The following ABR variants were observed in gnomAD, a reference collection of about 807,000 sequenced individuals.
ABR encodes active breakpoint cluster region-related protein.
In ABR, 35 loss-of-function variants were observed where a neutral mutation model predicts 107.2. The observed-to-expected ratio is 0.33, with a 90% CI of 0.25 to 0.43. ABR has a LOEUF of 0.43. Among genes scored for constraint, ABR ranks in the 20% least tolerant of loss-of-function variants. The pLI is 1.00. For missense variants in ABR, 815 were observed against 1,115.2 expected (o/e 0.73, Z 3.83); for synonymous variants, 498 against 462.0 (o/e 1.08, Z -1.00).
intron 1 of ABR, among the ~76,000 whole-genome samples, chr17:1,149,607 G>T (rs2040713312): frequency 6.6e-6 from 1 of 150,546 alleles, no homozygotes; most frequent in Non-Finnish European, 1.5e-5. Flanking sequence ...TAGTAGAGAT[G>T]GGGTTTCACC....
At chr17:1,013,084 T>A (rs535037999) in intron 17 of ABR, 21 bp downstream of exon 17, 1 of 1,613,488 alleles carries the variant, frequency 6.2e-7, no homozygotes, top group Non-Finnish European at 8.5e-7. Flanking sequence ...ACGCCACTGA[T>A]CATTCCCATC....
At chr17:1,110,145 A>C (rs1317229330) in intron 2 of ABR, among the ~76,000 whole-genome samples, 2 of 150,192 alleles carry the variant, frequency 1.3e-5, no homozygotes, top group African/African-American at 4.9e-5. Flanking sequence ...GGCCCTGCCC[A>C]CTCCCAGCCA....
upstream of ABR, among the ~76,000 whole-genome samples, chr17:1,190,731 G>A (rs545651830): frequency 5.9e-5 from 9 of 152,260 alleles, no homozygotes; most frequent in East Asian, 1.9e-4. Context: ...GTGGGTGCCC[G>A]TCCCGTCTGC....
At chr17:1,097,574 G>A in intron 3 of ABR, among the ~76,000 whole-genome samples, 1 of 126,002 alleles carries the variant, frequency 7.9e-6, no homozygotes, top group African/African-American at 3.0e-5. Context: ...CTGGGCAACA[G>A]AGCAAGACTC....
intron 4 of ABR, among the ~76,000 whole-genome samples, chr17:1,088,178 G>A (rs530060373): frequency 4.6e-5 from 7 of 152,204 alleles, no homozygotes; most frequent in South Asian, 4.1e-4. Context: ...GCAGATTCAC[G>A]GCCAGGCCTG....
intron 1 of ABR, among the ~76,000 whole-genome samples, chr17:1,161,808 A>G (rs6598851): frequency 0.99 from 150,890 of 152,230 alleles, 74,799 homozygotes; most frequent in Middle Eastern, 1. Flanking sequence ...ACCCGCCTCG[A>G]CCTCCCACAG....
intron 2 of ABR, among the ~76,000 whole-genome samples, chr17:1,117,379 C>T (rs1211835715): frequency 1.9e-4 from 10 of 53,172 alleles, no homozygotes; most frequent in Admixed American, 3.9e-4. Flanking sequence ...GCCTGAGTTC[C>T]TCCCAGCGTT....
chr17:1,205,351 A>G (rs554040809), intron 1 of ABR, among the ~76,000 whole-genome samples: 2 of 152,322 alleles, frequency 1.3e-5, no homozygotes, highest in South Asian at 4.1e-4. Context: ...TGCACAAATG[A>G]GATACAAATA....
chr17:1,139,413 G>A (rs1567815862), intron 1 of ABR, among the ~76,000 whole-genome samples: 2 of 151,958 alleles, frequency 1.3e-5, no homozygotes, highest in African/African-American at 2.4e-5. Flanking sequence ...CATCATGCCC[G>A]GCTAATTTTT....
rs897422312 is a variant in ABR at position 1,179,846 on chromosome 17, G to C, written c.-119C>G. ...GAGCGCGGAGGGGCGAGGAGGCCGG[G>C]AACCAGGTCCCCGGGAGGAGCGCGG... On this transcript the variant is annotated 5_prime_UTR_variant, in exon 1 of 23. Coordinates refer to ENST00000302538, the MANE Select transcript of ABR (RefSeq NM_021962.5). The surrounding 1 kb of genome is among the most constrained non-coding windows in gnomAD (Gnocchi z 4.9). 10 of 1,070,406 alleles carry C rather than the reference G, an allele frequency of 9.3e-6. No individual in the cohort carries two copies. The African/African-American group carries it at 1.7e-4, about 18-fold the overall frequency. The allele number at this position is 1,070,406 out of a possible 1,614,324, so 66.3% of individuals were successfully genotyped here.
chr17:1,153,714 CACACCTACGGGAGGGCTGGGGGTCCAG>C (rs2151541545), intron 1 of ABR: 2 of 133,174 alleles, frequency 1.5e-5, no homozygotes, highest in African/African-American at 6.7e-5. Flanking sequence ...GGGGTCCAGG[CACACCTACGGGAGGGCTGGGGGTCCAG>C]GCACACCTGC....
intron 13 of ABR, 113 bp from the exon 14 acceptor site, chr17:1,056,222 A>C: frequency 1.1e-6 from 1 of 906,024 alleles, no homozygotes; most frequent in Middle Eastern, 2.7e-4. Flanking sequence ...TCTTGGTCCA[A>C]CATCACCACC....
At chr17:1,082,966 A>T (rs2036345099) in intron 5 of ABR, among the ~76,000 whole-genome samples, 1 of 152,012 alleles carries the variant, frequency 6.6e-6, no homozygotes, top group Admixed American at 6.6e-5. Flanking sequence ...TCTACTAAAA[A>T]TACAAACCTT....
At chr17:1,134,901 G>C (rs1319784296) in intron 1 of ABR, among the ~76,000 whole-genome samples, 1 of 152,266 alleles carries the variant, frequency 6.6e-6, no homozygotes, top group Non-Finnish European at 1.5e-5. Flanking sequence ...TAGCAAATCC[G>C]TGTGAAACGG....
At chr17:1,022,878 T>C (rs996055958) in intron 16 of ABR, among the ~76,000 whole-genome samples, 3 of 152,204 alleles carry the variant, frequency 2.0e-5, no homozygotes, top group Non-Finnish European at 4.4e-5. Context: ...CCAAGCCTCA[T>C]GGGAGGAAGG....
intron 1 of ABR, among the ~76,000 whole-genome samples, chr17:1,128,085 A>G (rs1160132553): frequency 6.6e-6 from 1 of 152,210 alleles, no homozygotes; most frequent in Non-Finnish European, 1.5e-5. Context: ...GCCTGAGGAC[A>G]GGGTGCTGGT....
intron 1 of ABR, among the ~76,000 whole-genome samples, chr17:1,155,305 G>A (rs575799665): frequency 1.9e-3 from 295 of 152,226 alleles, no homozygotes; most frequent in African/African-American, 6.6e-3. Flanking sequence ...ACCCTTCATG[G>A]GGAAAGAAGA....
At chr17:1,123,756 TCTC>T (rs927046754) in intron 2 of ABR, among the ~76,000 whole-genome samples, 19 of 152,094 alleles carry the variant, frequency 1.2e-4, no homozygotes, top group East Asian at 7.8e-4. Flanking sequence ...GCGAGAGTCT[TCTC>T]CTCCTTGCTC....
In ABR at chr17:1,004,791, CA is replaced by C. The variant is rs776186525; in HGVS notation, c.*1288del. 5 of 367,216 alleles carry C rather than the reference CA, an allele frequency of 1.4e-5. No individual in the cohort carries two copies. The highest frequency in any genetic ancestry group is 2.4e-5 in the Non-Finnish European group (5 of 206,074). The allele number at this position is 367,216 out of a possible 1,614,324, so 22.7% of individuals were successfully genotyped here. A position where few individuals can be genotyped will look rare whatever the true frequency, so the allele number is the denominator to read the frequency against. ...ACTTCTGGAGTTCCCAGTGTTTACC[CA>C]AAAGGCTGTATCCAGAAGCTGGGGC... is the stretch of plus-strand genomic sequence containing the variant. On this transcript the variant is annotated 3_prime_UTR_variant, in exon 23 of 23. Transcript: ENST00000302538.
Sources: gnomAD v4.1 joint callset for allele counts (sites outside exome capture counted in the v4.1 genomes callset) on GRCh38, gnomAD v4.1.1 for gene constraint, Gnocchi (gnomAD v3.1) non-coding constraint, MANE v1.5 for transcripts, NCBI Gene and HGNC (gene_info 2026-07-23, HGNC 2026-07-21) for gene names.